Variants in UGT1A7 observed in about 807,000 individuals in gnomAD.
The protein encoded by UGT1A7 is UDP-glucuronosyltransferase 1A7.
Under a neutral mutation model 45.6 loss-of-function variants are expected in UGT1A7, and 33 were observed. The observed-to-expected ratio is 0.72, with a 90% CI of 0.55 to 0.97. The LOEUF is 0.97. UGT1A7 is among the 50% of genes least tolerant of loss of function. The pLI is 0.00. For synonymous variants in UGT1A7, 274 were observed against 250.6 expected, an observed-to-expected ratio of 1.09 and a Z score of -0.88; for missense variants, 684 against 666.2, an observed-to-expected ratio of 1.03 and a Z score of -0.29.
chr2:233,719,335 T>C lies in UGT1A7; in HGVS notation c.855+36543T>C, dbSNP rs759894236. 4 of 1,613,958 alleles carry C rather than the reference T, an allele frequency of 2.5e-6. No individual in the cohort carries two copies. In the Admixed American group the frequency reaches 6.7e-5, roughly 27 times the overall value. On this transcript the variant is annotated intron_variant, in intron 1 of 4. Transcript: ENST00000373426. ...TACCTGTCGATTCCTGCTGTGTTTT[T>C]TTGGAGGTACATTCCATGTGACTTA...
rs574815522 is a variant in UGT1A7 at position 233,710,585 on chromosome 2, C to T, written c.855+27793C>T. ...TAAAAGGTGCCCTTTCAAAATCTTC[C>T]GCACACCTTTATTGGTTTGTTTGTC... On this transcript the variant is annotated intron_variant, in intron 1 of 4. Transcript: ENST00000373426. Among the ~76,000 whole-genome samples, 12 of 152,214 alleles carry T rather than the reference C, an allele frequency of 7.9e-5. No homozygotes were observed. The South Asian group carries it at 1.7e-3, about 21-fold the overall frequency.
In UGT1A7 at chr2:233,719,687, G is replaced by A. The variant is rs769294499; in HGVS notation, c.855+36895G>A. On this transcript the variant is annotated intron_variant, in intron 1 of 4. Coordinates refer to ENST00000373426, the MANE Select transcript of UGT1A7 (RefSeq NM_019077.3). ...GTGCCAACGGGAAGCCACTATCTCA[G>A]GTCTGTATTGGTGCCTTCATCCAAT... 1.5e-5 allele frequency: 25 copies of A among 1,613,862 alleles called. No homozygotes were observed. The African/African-American group carries it at 2.7e-4, about 17-fold the overall frequency.
In UGT1A7 at chr2:233,682,622, G is replaced by C; in HGVS notation, c.685G>C (p.Glu229Gln). ...CCCCTATTTTTTCAAAAATGTCTTA[G>C]AAATAGCCTCTGAAATTCTCCAAAC... ...FCPYFFKNVL[E>Q]IASEILQTPV... Residue 229 changes from glutamate (E) to glutamine (Q), a missense_variant, in exon 1 of 5, where the codon GAA (glutamate) becomes CAA (glutamine). Glu to Gln is a conservative substitution (Grantham distance 29, BLOSUM62 2). Coordinates refer to ENST00000373426, the MANE Select transcript of UGT1A7 (RefSeq NM_019077.3). 6.2e-7 allele frequency: 1 copy of C among 1,613,866 alleles called. No homozygotes were observed. Among genetic ancestry groups the C allele is most frequent in the Non-Finnish European group, 8.5e-7 (1 of 1,179,834 alleles).
chr2:233,769,419 A>C lies in UGT1A7; in HGVS notation c.1295+980A>C. The stretch of plus-strand genomic sequence containing the variant: ...TGCATATGTGCGTGTGCGTTTGTGC[A>C]TGTGGCTGTGCTCATGTGTGGGTGC... On this transcript the variant is annotated intron_variant, in intron 4 of 4. Coordinates refer to ENST00000373426, the MANE Select transcript of UGT1A7 (RefSeq NM_019077.3). This position sits in a 1 kb window ranked among gnomAD's most constrained non-coding sequence, Gnocchi z 4.4. 1.4e-6 allele frequency: 2 copies of C among 1,450,006 alleles called. No individual in the cohort carries two copies. The highest frequency in any genetic ancestry group is 9.6e-7 in the Non-Finnish European group (1 of 1,044,304). 89.8% of individuals were successfully genotyped at this position (1,450,006 alleles called of 1,614,324 possible).
intron 1 of UGT1A7, among the ~76,000 whole-genome samples, chr2:233,724,428 T>C (rs2077257386): frequency 7.8e-6 from 1 of 128,780 alleles, no homozygotes; most frequent in African/African-American, 3.1e-5. Flanking sequence ...GCGGAGAGGC[T>C]CCTCACTTCT....
Position 233,747,455 on chromosome 2 carries a change from C to T in UGT1A7, c.856-19579C>T, listed in dbSNP as rs545965821. Reference sequence around the variant, plus strand: ...AATTTTTCACCCTGACAACCTATGCCATTTCATGGACCCAGGATGAATTTG... The same window carrying T: ...AATTTTTCACCCTGACAACCTATGCTATTTCATGGACCCAGGATGAATTTG... On this transcript the variant is annotated intron_variant, in intron 1 of 4. Coordinates refer to ENST00000373426, the MANE Select transcript of UGT1A7 (RefSeq NM_019077.3). 52 of 1,608,866 alleles carry T rather than the reference C, an allele frequency of 3.2e-5. 1 individual carries two copies. Among genetic ancestry groups the T allele is most frequent in the Admixed American group, 5.0e-5 (3 of 60,014 alleles).
intron 1 of UGT1A7, among the ~76,000 whole-genome samples, chr2:233,758,868 C>T (rs1697003822): frequency 1.3e-5 from 2 of 152,158 alleles, no homozygotes; most frequent in South Asian, 4.1e-4. Context: ...ACAATACTTG[C>T]CCCATAGTCC....
Position 233,747,651 on chromosome 2 carries a change from G to A in UGT1A7, c.856-19383G>A, listed in dbSNP as rs566750548. ...CAGGCACCTGAATGCTACTTCCTTC[G>A]ATGTGGTTTTAATAGACCCAATTTA... On this transcript the variant is annotated intron_variant, in intron 1 of 4. Coordinates refer to ENST00000373426, the MANE Select transcript of UGT1A7 (RefSeq NM_019077.3). The A allele has an allele frequency of 2.5e-5, 39 of 1,588,728 alleles. No individual in the cohort carries two copies. The African/African-American group carries it at 3.1e-4, about 13-fold the overall frequency.
intron 1 of UGT1A7, chr2:233,719,070 T>A (rs144655870): frequency 6.2e-7 from 1 of 1,614,284 alleles, no homozygotes; most frequent in East Asian, 2.2e-5. Context: ...TGCTGTTCCA[T>A]GGACCCAGAA....
At chr2:233,760,138 T>C (rs2125979054) in intron 1 of UGT1A7, 1 of 1,410,406 alleles carries the variant, frequency 7.1e-7, no homozygotes, top group African/African-American at 1.4e-5. Context: ...TCTTTATCTC[T>C]GAAAGTGAAC....
chr2:233,740,171 G>A (rs920285091), intron 1 of UGT1A7, among the ~76,000 whole-genome samples: 9 of 151,848 alleles, frequency 5.9e-5, no homozygotes, highest in African/African-American at 2.2e-4. Flanking sequence ...ATGTGGAACT[G>A]TGAGTCAATT....
chr2:233,712,856 C>T, intron 1 of UGT1A7: 12 of 1,553,654 alleles, frequency 7.7e-6, no homozygotes, highest in Non-Finnish European at 1.0e-5. Context: ...TAATAAGTAA[C>T]TGGAGGAGGG....
At chr2:233,760,848 C>T (rs1237758968) in intron 1 of UGT1A7, 1 of 1,613,934 alleles carries the variant, frequency 6.2e-7, no homozygotes, top group African/African-American at 1.3e-5. Flanking sequence ...CCCAGTGCCC[C>T]AACCCATTCT....
intron 1 of UGT1A7, among the ~76,000 whole-genome samples, chr2:233,754,115 A>G (rs1254927549): frequency 6.6e-6 from 1 of 152,216 alleles, no homozygotes; most frequent in Non-Finnish European, 1.5e-5. Context: ...CTACATCACG[A>G]GCATTTATGT....
In UGT1A7 at chr2:233,736,924, C is replaced by T. The variant is rs544385943; in HGVS notation, c.856-30110C>T. The stretch of plus-strand genomic sequence containing the variant: ...TCCTCTGGAAGCTTCATACCAGAGG[C>T]GCACCCACCTATATGAGGTGTCTGT... On this transcript the variant is annotated intron_variant, in intron 1 of 4. Coordinates refer to ENST00000373426, the MANE Select transcript of UGT1A7 (RefSeq NM_019077.3). Among the ~76,000 whole-genome samples the T allele has an allele frequency of 2.3e-4, 35 of 152,234 alleles. No homozygotes were observed. The South Asian group carries it at 6.0e-3, about 26-fold the overall frequency.
At chr2:233,728,943 T>A (rs1281650541) in intron 1 of UGT1A7, among the ~76,000 whole-genome samples, 3 of 148,150 alleles carry the variant, frequency 2.0e-5, no homozygotes, top group Admixed American at 2.0e-4. Flanking sequence ...TTTTCCAGGG[T>A]GGGGCCCACA....
chr2:233,705,434 C>T (rs1056138201), intron 1 of UGT1A7, among the ~76,000 whole-genome samples: 1 of 152,130 alleles, frequency 6.6e-6, no homozygotes, highest in African/African-American at 2.4e-5. Flanking sequence ...CATAACTTAT[C>T]CTTCAGAATT....
intron 1 of UGT1A7, among the ~76,000 whole-genome samples, chr2:233,706,003 C>T (rs1335760458): frequency 6.6e-6 from 1 of 152,124 alleles, no homozygotes; most frequent in African/African-American, 2.4e-5. Context: ...GTGTGAGAAT[C>T]ACTTGCACTT....
chr2:233,732,553 T>TAAATAAGGA (rs1454535423), intron 1 of UGT1A7, among the ~76,000 whole-genome samples: 6 of 152,230 alleles, frequency 3.9e-5, no homozygotes, highest in African/African-American at 1.4e-4. Context: ...CACCATTTAT[T>TAAATAAGGA]AAATAAGGAA....
Sources: gnomAD v4.1 joint callset for allele counts (sites outside exome capture counted in the v4.1 genomes callset) on GRCh38, gnomAD v4.1.1 for gene constraint, Gnocchi (gnomAD v3.1) non-coding constraint, MANE v1.5 for transcripts, NCBI Gene and HGNC (gene_info 2026-07-23, HGNC 2026-07-21) for gene names.